Variants in IL1RAPL2 observed in about 807,000 individuals in gnomAD.
IL1RAPL2 encodes the protein X-linked interleukin-1 receptor accessory protein-like 2.
A neutral mutation model predicts 44.1 loss-of-function variants in IL1RAPL2; 3 were observed. That is an observed-to-expected ratio of 0.07 (90% CI 0.03 to 0.18). The LOEUF is 0.18. Ranked by LOEUF, IL1RAPL2 falls within the 10% of genes least tolerant of loss-of-function variation. IL1RAPL2 has a pLI of 1.00. For missense variants in IL1RAPL2, 391 were observed against 496.4 expected (o/e 0.79, Z 2.02); for synonymous variants, 181 against 178.8 (o/e 1.01, Z -0.10).
intron 5 of IL1RAPL2, among the ~76,000 whole-genome samples, chrX:105,373,593 G>A (rs914828660): frequency 1.8e-5 from 2 of 111,337 alleles, no homozygotes; most frequent in Admixed American, 9.6e-5. Flanking sequence ...ATCTTTGCTC[G>A]TTTCTGTGTC....
intron 2 of IL1RAPL2, among the ~76,000 whole-genome samples, chrX:105,054,606 T>C (rs1221920641): frequency 8.9e-6 from 1 of 112,007 alleles, no homozygotes; most frequent in Non-Finnish European, 1.9e-5. Context: ...TACAGTTAAA[T>C]TGAAATTAAT....
intron 6 of IL1RAPL2, among the ~76,000 whole-genome samples, chrX:105,590,959 A>AT (rs1328362292): frequency 9.2e-6 from 1 of 108,453 alleles, no homozygotes; most frequent in Non-Finnish European, 1.9e-5. Context: ...CTGATCTTGA[A>AT]TTTTTTGGAG....
intron 2 of IL1RAPL2, among the ~76,000 whole-genome samples, chrX:104,809,956 C>G (rs1932960741): frequency 9.0e-6 from 1 of 111,084 alleles, no homozygotes; most frequent in South Asian, 3.8e-4. Context: ...TATAAAGACA[C>G]ATGCACACAT....
intron 2 of IL1RAPL2, among the ~76,000 whole-genome samples, chrX:105,126,871 T>C (rs2032980388): frequency 1.8e-5 from 2 of 111,185 alleles, no homozygotes; most frequent in Non-Finnish European, 3.8e-5. Context: ...TATTCAGTAT[T>C]CTTCCCAAGT....
intron 1 of IL1RAPL2, among the ~76,000 whole-genome samples, chrX:104,573,124 T>C (rs1005973544): frequency 9.8e-5 from 11 of 112,174 alleles, no homozygotes; most frequent in South Asian, 3.7e-4. Flanking sequence ...AGTATTAGCC[T>C]TAGCATTTTA....
Position 105,717,503 on chromosome X carries a change from A to G in IL1RAPL2, c.902+7A>G. ...TTAGAGAAGGTGAAATAAGGTAGAG[A>G]GCTTGAATTGCTTATCTTTCTTTGC... On this transcript the variant is annotated splice_region_variant and intron_variant, in intron 7 of 10. Transcript: ENST00000372582. The G allele has an allele frequency of 8.4e-7, 1 of 1,189,963 alleles. No homozygotes were observed. The highest frequency in any genetic ancestry group is 1.1e-6 in the Non-Finnish European group (1 of 883,342).
chrX:105,712,041 G>C (rs1422496584), intron 6 of IL1RAPL2, among the ~76,000 whole-genome samples: 1 of 111,343 alleles, frequency 9.0e-6, no homozygotes, highest in African/African-American at 3.3e-5. Flanking sequence ...CATGCCTGTA[G>C]CTTTTGGAGG....
intron 6 of IL1RAPL2, among the ~76,000 whole-genome samples, chrX:105,550,489 A>G (rs1416692423): frequency 8.9e-6 from 1 of 111,821 alleles, no homozygotes; most frequent in Non-Finnish European, 1.9e-5. Context: ...AGGTCATTTC[A>G]CTAGCTTTAA....
intron 5 of IL1RAPL2, among the ~76,000 whole-genome samples, chrX:105,367,189 A>C (rs2147715350): frequency 9.0e-6 from 1 of 111,610 alleles, no homozygotes; most frequent in South Asian, 3.7e-4. Flanking sequence ...ATATCTTTTC[A>C]GTACCTTCAC....
intron 2 of IL1RAPL2, among the ~76,000 whole-genome samples, chrX:104,947,792 C>T (rs1925428993): frequency 8.9e-6 from 1 of 112,082 alleles, no homozygotes; most frequent in African/African-American, 3.2e-5. Flanking sequence ...GTTTTGATAC[C>T]AGTACCATGC....
intron 5 of IL1RAPL2, among the ~76,000 whole-genome samples, chrX:105,376,874 A>C (rs1414174472): frequency 8.9e-6 from 1 of 112,394 alleles, no homozygotes; most frequent in Non-Finnish European, 1.9e-5. Context: ...AAAATTACCA[A>C]ATCAGCTATG....
chrX:104,825,341 T>C (rs761368940), intron 2 of IL1RAPL2, among the ~76,000 whole-genome samples: 1 of 112,313 alleles, frequency 8.9e-6, no homozygotes, highest in African/African-American at 3.2e-5. Context: ...GTTCTCAAAC[T>C]GTCTGTGAAA....
chrX:104,661,705 C>T (rs1256430976), intron 2 of IL1RAPL2, among the ~76,000 whole-genome samples: 1 of 111,366 alleles, frequency 9.0e-6, no homozygotes, highest in East Asian at 2.8e-4. Flanking sequence ...ATTAAAAATG[C>T]TTTGGCAAAT....
chrX:104,931,255 T>A (rs188557549), intron 2 of IL1RAPL2, among the ~76,000 whole-genome samples: 65 of 109,753 alleles, frequency 5.9e-4, no homozygotes, highest in African/African-American at 2.0e-3. Context: ...TAGAAGCTGG[T>A]ATACCCCAAC....
At chrX:104,856,931 C>T (rs1173574076) in intron 2 of IL1RAPL2, among the ~76,000 whole-genome samples, 2 of 112,442 alleles carry the variant, frequency 1.8e-5, no homozygotes, top group Non-Finnish European at 3.8e-5. Context: ...CTGCTTTTAA[C>T]TATTCTGGTT....
intron 2 of IL1RAPL2, among the ~76,000 whole-genome samples, chrX:104,839,952 C>CT (rs1921857207): frequency 9.0e-6 from 1 of 111,595 alleles, no homozygotes; most frequent in South Asian, 3.7e-4. Flanking sequence ...ATTCTTCTCT[C>CT]TTTTCTTCTT....
chrX:105,369,421 G>T lies in IL1RAPL2; in HGVS notation c.697+101880G>T, dbSNP rs974731704. Among the ~76,000 whole-genome samples, 8 of 111,175 alleles carry T rather than the reference G, an allele frequency of 7.2e-5. No homozygotes were observed. The East Asian group carries it at 2.0e-3, about 28-fold the overall frequency. On this transcript the variant is annotated intron_variant, in intron 5 of 10. Coordinates refer to ENST00000372582, the MANE Select transcript of IL1RAPL2 (RefSeq NM_017416.2). Reference sequence around the variant, plus strand: ...CCCAAATTAGACAGTGTCAAGTCATGTTATTGCCTTGAGTAAGGTGAGATT... The same window carrying T: ...CCCAAATTAGACAGTGTCAAGTCATTTTATTGCCTTGAGTAAGGTGAGATT...
intron 6 of IL1RAPL2, among the ~76,000 whole-genome samples, chrX:105,681,363 G>A (rs753899651): frequency 9.0e-6 from 1 of 111,537 alleles, no homozygotes; most frequent in Non-Finnish European, 1.9e-5. Context: ...GCCATACTTC[G>A]GGGTATCATG....
chrX:104,836,178 T>C (rs1163337427), intron 2 of IL1RAPL2, among the ~76,000 whole-genome samples: 2 of 111,187 alleles, frequency 1.8e-5, no homozygotes, highest in Non-Finnish European at 3.8e-5. Context: ...AAACACAGCA[T>C]GTTCTCACTC....
Sources: allele counts gnomAD v4.1 joint callset (sites outside exome capture counted in the v4.1 genomes callset), GRCh38; gene constraint gnomAD v4.1.1; transcripts MANE v1.5; gene names NCBI Gene and HGNC (gene_info 2026-07-23, HGNC 2026-07-21).